SLC15A3: variants seen among roughly 807,000 people sequenced by gnomAD.
SLC15A3 encodes the protein osteoclast transporter.
In SLC15A3, 39 loss-of-function variants were observed where a neutral mutation model predicts 49.2. The ratio of observed to expected loss-of-function variants is 0.79; its 90% confidence interval spans 0.61 to 1.04. SLC15A3 has a LOEUF of 1.04. SLC15A3 is among the 50% of genes least tolerant of loss of function. The pLI, the probability that SLC15A3 is intolerant of heterozygous loss-of-function variation, is 0.00. For synonymous variants in SLC15A3, 339 were observed against 367.0 expected, an observed-to-expected ratio of 0.92 and a Z score of 0.87; for missense variants, 758 against 794.8, an observed-to-expected ratio of 0.95 and a Z score of 0.56.
intron 1 of SLC15A3, 21 bp downstream of exon 1, chr11:60,950,973 G>T: frequency 1.4e-6 from 2 of 1,417,268 alleles, no homozygotes; most frequent in Non-Finnish European, 1.8e-6. Flanking sequence ...AGTATGCCGG[G>T]GCAGGCCTCC....
intron 1 of SLC15A3, among the ~76,000 whole-genome samples, chr11:60,949,132 C>G (rs912933364): frequency 4.0e-5 from 6 of 151,884 alleles, no homozygotes; most frequent in African/African-American, 9.7e-5. Context: ...GGTCAGGAGT[C>G]AAGACCAGCC....
In SLC15A3 at chr11:60,941,215, C is replaced by T. The variant is rs201995321; in HGVS notation, c.1183G>A (p.Asp395Asn). The T allele has an allele frequency of 2.5e-4, 405 of 1,614,130 alleles. 1 individual carries two copies. Among genetic ancestry groups the T allele is most frequent in the South Asian group, 1.1e-3 (96 of 91,050 alleles). ...AGCTTGCACCGCAGCAGTAAAGGGT[C>T]GATCAAGCGGTCCTTCAGAGGGACC... ...ILVPLKDRLI[D>N]PLLLRCKLLP... The change falls in exon 5 of 8, where the codon GAC becomes AAC. Residue 395 changes from aspartate (D) to asparagine (N), a missense_variant. Around this residue, in one of 3 missense-constraint regions of SLC15A3, gnomAD observed 699 missense variants for 706.7 expected, o/e 0.99. Coordinates refer to ENST00000227880, the MANE Select transcript of SLC15A3 (RefSeq NM_016582.3).
At position 60,937,096 on chromosome 11, in the gene SLC15A3, G is replaced by A; in HGVS notation, c.*123C>T. The A allele has an allele frequency of 7.0e-7, 1 of 1,431,344 alleles. No individual in the cohort carries two copies. Among genetic ancestry groups the A allele is most frequent in the African/African-American group, 1.4e-5 (1 of 70,454 alleles). The allele number at this position is 1,431,344 out of a possible 1,614,324, so 88.7% of individuals were successfully genotyped here. A position where few individuals can be genotyped will look rare whatever the true frequency, so the allele number is the denominator to read the frequency against. ...TCATGGACCATGGTCGTGAGGAAGG[G>A]CTCATGCCCCTTATTTATGGGAACC... On this transcript the variant is annotated 3_prime_UTR_variant, in exon 8 of 8. Coordinates refer to ENST00000227880, the MANE Select transcript of SLC15A3 (RefSeq NM_016582.3).
chr11:60,941,158 C>A lies in SLC15A3; in HGVS notation c.1240G>T (p.Gly414Trp), dbSNP rs746547853. Residue 414 changes from glycine to tryptophan, a missense_variant, in exon 5 of 8, where the codon GGG becomes TGG. Physicochemically the swap from Gly to Trp is radical, Grantham distance 184. Coordinates refer to ENST00000227880, the MANE Select transcript of SLC15A3 (RefSeq NM_016582.3). ...LPSALQKMAL[G>W]MFFGFTSVIV... is the part of the protein sequence containing the mutation. ...ACGGAGGTAAAACCAAAGAACATCC[C>A]CAGCGCCATCTTCTGCAGAGCAGAG... The A allele has an allele frequency of 4.3e-6, 7 of 1,613,952 alleles. No homozygotes were observed. The highest frequency in any genetic ancestry group is 5.9e-6 in the Non-Finnish European group (7 of 1,179,920).
rs192942085 is a variant in SLC15A3, at chr11:60,951,677, C to T, written c.-126G>A. Reference sequence around the variant, plus strand: ...CAACTGGCTGGCCCTCCTTTCTCACCGCTTTGGCCCACCCTTCCCTCCTGT... The same window carrying T: ...CAACTGGCTGGCCCTCCTTTCTCACTGCTTTGGCCCACCCTTCCCTCCTGT... On this transcript the variant is annotated 5_prime_UTR_variant, in exon 1 of 8. Coordinates refer to ENST00000227880, the MANE Select transcript of SLC15A3 (RefSeq NM_016582.3). 1.7e-3 allele frequency: 1,191 copies of T among 720,042 alleles called. 13 individuals carry two copies. In the African/African-American group the frequency reaches 0.021, roughly 12 times the overall value. The allele number at this position is 720,042 out of a possible 1,614,324, so 44.6% of individuals were successfully genotyped here. A position where few individuals can be genotyped will look rare whatever the true frequency, so the allele number is the denominator to read the frequency against.
chr11:60,941,818 T>C, intron 4 of SLC15A3: 1 of 540,316 alleles, frequency 1.9e-6, no homozygotes, highest in Non-Finnish European at 3.3e-6. Context: ...AGCATGGGGG[T>C]GTGCAGCTGG....
At position 60,943,532 on chromosome 11, in the gene SLC15A3, T is replaced by A. The variant is rs147976626; in HGVS notation, c.996+157A>T. On this transcript the variant is annotated intron_variant, in intron 3 of 7. Transcript: ENST00000227880. Reference sequence around the variant, plus strand: ...GAGTTGGATTGCTGAGACGGCTTTGTGCCAGGCCCCATGCTAGCTGGTACG... The same window carrying A: ...GAGTTGGATTGCTGAGACGGCTTTGAGCCAGGCCCCATGCTAGCTGGTACG... 246 of 727,886 alleles carry A rather than the reference T, an allele frequency of 3.4e-4. No homozygotes were observed. The African/African-American group carries it at 4.1e-3, about 12-fold the overall frequency. 45.1% of individuals were successfully genotyped at this position (727,886 alleles called of 1,614,324 possible).
intron 1 of SLC15A3, among the ~76,000 whole-genome samples, chr11:60,949,563 A>AGAAAGAAAG: frequency 4.6e-5 from 2 of 43,214 alleles, no homozygotes; most frequent in East Asian, 2.6e-3. Context: ...AAAGAAAGAA[A>AGAAAGAAAG]GAAAGAAAAG....
Position 60,946,875 on chromosome 11 carries a change from TGTA to T in SLC15A3, c.559-57_559-55del. 1.9e-6 allele frequency: 3 copies of T among 1,548,210 alleles called. No individual in the cohort carries two copies. The South Asian group carries it at 3.6e-5, about 19-fold the overall frequency. On this transcript the variant is annotated intron_variant, in intron 1 of 7. Transcript: ENST00000227880. Reference sequence around the variant, plus strand: ...GGCCAAAGGGGTCCGGGGCACTCTCTGTACCCATACCCCTCCCTCCTACAGAGA... The same window carrying T: ...GGCCAAAGGGGTCCGGGGCACTCTCTCCCATACCCCTCCCTCCTACAGAGA...
At chr11:60,940,424 C>G (rs4938992) in intron 5 of SLC15A3, 56,246 of 152,170 alleles carry the variant, frequency 0.37, 10,671 homozygotes, top group South Asian at 0.45. Flanking sequence ...GTTTATGGAG[C>G]TTTCATTTCT....
intron 2 of SLC15A3, among the ~76,000 whole-genome samples, chr11:60,944,989 T>A (rs939523454): frequency 2.0e-5 from 3 of 152,228 alleles, no homozygotes; most frequent in African/African-American, 7.2e-5. Flanking sequence ...TCCCAGCGTG[T>A]GCTGCCATTT....
intron 1 of SLC15A3, 73 bp from the exon 2 acceptor site, chr11:60,946,894 C>T: frequency 6.7e-7 from 1 of 1,492,404 alleles, no homozygotes; most frequent in Non-Finnish European, 8.9e-7. Context: ...ACCCCTCCCT[C>T]CTACAGAGAC....
At chr11:60,944,598 T>C (rs1415103772) in intron 2 of SLC15A3, among the ~76,000 whole-genome samples, 1 of 152,166 alleles carries the variant, frequency 6.6e-6, no homozygotes, top group Non-Finnish European at 1.5e-5. Flanking sequence ...AAGGGATTTT[T>C]TGGCTCGTAG....
In SLC15A3 at chr11:60,943,700, C is replaced by A. The variant is rs761451442; in HGVS notation, c.985G>T (p.Val329Phe). The change falls in exon 3 of 8, where the codon GTC (valine) becomes TTC (phenylalanine). Residue 329 changes from valine to phenylalanine, a missense_variant. Coordinates refer to ENST00000227880, the MANE Select transcript of SLC15A3 (RefSeq NM_016582.3). ...GCAGGTATGCTCACCTGGAAGTAGA[C>A]CATCCAGTAGGGCACCAGGGTCACC... is the stretch of plus-strand genomic sequence containing the variant. ...VMVTLVPYWM[V>F]YFQMQSTYVL... is the part of the protein sequence containing the mutation. 1.9e-6 allele frequency: 3 copies of A among 1,577,786 alleles called. No individual in the cohort carries two copies. The highest frequency in any genetic ancestry group is 1.2e-5 in the South Asian group (1 of 86,458).
In SLC15A3 at chr11:60,946,716, G is replaced by A. The variant is rs748692683; in HGVS notation, c.664C>T (p.Gln222Ter). Residue 222 changes from glutamine (Q) to a stop codon, truncating the protein, a stop_gained, in exon 2 of 8, where the codon CAG (glutamine) becomes TAG (stop). Transcript: ENST00000227880. LOFTEE classifies it high-confidence loss of function. The stretch of plus-strand genomic sequence containing the variant: ...TAGCCCAGCAGGAAGCTGATGTTCT[G>A]CTGAATAAACGCCACCACCAGCAGC... ...LSLLVVAFIQQNISFLLGYSI... is the reference protein window; with the variant it reads ...LSLLVVAFIQ The A allele has an allele frequency of 6.2e-7, 1 of 1,614,220 alleles. No homozygotes were observed. Among genetic ancestry groups the A allele is most frequent in the South Asian group, 1.1e-5 (1 of 91,080 alleles).
chr11:60,939,322 T>G (rs1211682612), intron 6 of SLC15A3, among the ~76,000 whole-genome samples, 158 bp downstream of exon 6: 1 of 152,132 alleles, frequency 6.6e-6, no homozygotes, highest in Non-Finnish European at 1.5e-5. Flanking sequence ...AGGTGCTAAT[T>G]ATAGACCCCC....
intron 2 of SLC15A3, among the ~76,000 whole-genome samples, chr11:60,945,644 T>C (rs1856790381): frequency 6.6e-6 from 1 of 152,192 alleles, no homozygotes; most frequent in Non-Finnish European, 1.5e-5. Context: ...ACAGATTTGC[T>C]TGGCATAAGT....
At chr11:60,942,675 G>C (rs1856732195) in intron 3 of SLC15A3, 1 of 154,680 alleles carries the variant, frequency 6.5e-6, no homozygotes, top group Non-Finnish European at 1.4e-5. Context: ...CCCACAGGAA[G>C]GGCTGGGGCA....
chr11:60,937,166 A>G lies in SLC15A3; in HGVS notation c.*53T>C, dbSNP rs1215772363. 6.4e-7 allele frequency: 1 copy of G among 1,571,222 alleles called. No homozygotes were observed. Among genetic ancestry groups the G allele is most frequent in the Non-Finnish European group, 8.6e-7 (1 of 1,156,878 alleles). The stretch of plus-strand genomic sequence containing the variant: ...AACCGAGAAGGAAACCAGAGCTGGG[A>G]CTGCTGCCGTCTGTCCGGTAGAGTG... On this transcript the variant is annotated 3_prime_UTR_variant, in exon 8 of 8. Transcript: ENST00000227880.
Sources: allele counts gnomAD v4.1 joint callset (sites outside exome capture counted in the v4.1 genomes callset), GRCh38; gene constraint gnomAD v4.1.1; regional missense constraint gnomAD v4.1.1; transcripts MANE v1.5; gene names NCBI Gene and HGNC (gene_info 2026-07-23, HGNC 2026-07-21).